LEF1: variants seen among roughly 807,000 people sequenced by gnomAD.
LEF1 encodes lymphoid enhancer binding factor 1, also known as lymphoid enhancer-binding factor 1.
LEF1 carries 14 observed loss-of-function variants against 51.2 expected under a neutral mutation model. The observed-to-expected ratio is 0.27, with a 90% CI of 0.18 to 0.43. The LOEUF is 0.43. Ranked by LOEUF, LEF1 falls within the 20% of genes least tolerant of loss-of-function variation. LEF1 has a pLI of 1.00. For synonymous variants in LEF1, 185 were observed against 183.2 expected (o/e 1.01, Z -0.08); for missense variants, 386 against 512.0 (o/e 0.75, Z 2.37).
At chr4:108,133,139 A>C (rs1743014085) in intron 3 of LEF1, among the ~76,000 whole-genome samples, 3 of 151,904 alleles carry the variant, frequency 2.0e-5, no homozygotes, top group African/African-American at 7.2e-5. Context: ...ATGCCTGGCT[A>C]ATTTTTGGAT....
At chr4:108,166,271 C>A in intron 1 of LEF1, 1 of 1,536,084 alleles carries the variant, frequency 6.5e-7, no homozygotes, top group Non-Finnish European at 8.7e-7. Flanking sequence ...TTCGTACTCA[C>A]CTCTGCCATT....
intron 9 of LEF1, among the ~76,000 whole-genome samples, chr4:108,066,951 T>C (rs1173515813): frequency 1.3e-5 from 2 of 152,240 alleles, no homozygotes; most frequent in South Asian, 2.1e-4. Context: ...ATTTTAATAC[T>C]GAATAATTGA....
chr4:108,126,577 C>T (rs993068241), intron 3 of LEF1, among the ~76,000 whole-genome samples: 9 of 151,604 alleles, frequency 5.9e-5, no homozygotes, highest in Admixed American at 2.6e-4. Flanking sequence ...CCAAGGAGGG[C>T]GAATCACTTG....
intron 11 of LEF1, among the ~76,000 whole-genome samples, chr4:108,061,439 A>T (rs1257589262): frequency 6.6e-6 from 1 of 152,126 alleles, no homozygotes; most frequent in Non-Finnish European, 1.5e-5. Context: ...TCGACTACCA[A>T]ACTCTGAAAT....
intron 3 of LEF1, among the ~76,000 whole-genome samples, chr4:108,095,948 C>T (rs1347003451): frequency 1.3e-5 from 2 of 152,000 alleles, no homozygotes; most frequent in Non-Finnish European, 2.9e-5. Flanking sequence ...TTGCAACATC[C>T]TATTATTTGA....
In LEF1 at chr4:108,081,653, A is replaced by G; in HGVS notation, c.655T>C (p.Tyr219His). 1 of 1,614,070 alleles carries G rather than the reference A, an allele frequency of 6.2e-7. No homozygotes were observed. The highest frequency in any genetic ancestry group is 8.5e-7 in the Non-Finnish European group (1 of 1,179,956). The part of the protein sequence containing the change: ...PPLGWQGQPV[Y>H]PITGGFRQPY... ...TGCCTGAATCCACCCGTGATGGGAT[A>G]TACAGGCTGACCTTGCCTGAGGTCA... is the stretch of plus-strand genomic sequence containing the variant. The change falls in exon 6 of 12, where the codon TAT becomes CAT. Residue 219 changes from tyrosine (Y) to histidine (H), a missense_variant. By Grantham distance (83) the Tyr-to-His change is moderately conservative. Around this residue, in one of 2 missense-constraint regions of LEF1, gnomAD observed 335 missense variants for 390.7 expected, o/e 0.86. Coordinates refer to ENST00000265165, the MANE Select transcript of LEF1 (RefSeq NM_016269.5).
chr4:108,060,646 T>G (rs1357207467), intron 11 of LEF1, among the ~76,000 whole-genome samples: 1 of 152,144 alleles, frequency 6.6e-6, no homozygotes, highest in Non-Finnish European at 1.5e-5. Context: ...TATTTCTAAG[T>G]GCCACCTCCT....
At chr4:108,079,963 G>A (rs1739179289) in intron 6 of LEF1, among the ~76,000 whole-genome samples, 1 of 152,110 alleles carries the variant, frequency 6.6e-6, no homozygotes, top group African/African-American at 2.4e-5. Flanking sequence ...ATATTCCTAA[G>A]CAAACCATCA....
chr4:108,096,568 T>C (rs1740409617), intron 3 of LEF1, among the ~76,000 whole-genome samples: 1 of 152,162 alleles, frequency 6.6e-6, no homozygotes, highest in South Asian at 2.1e-4. Context: ...GCTGCTGCCT[T>C]ACCAAAGCAA....
At chr4:108,163,828 C>A in intron 2 of LEF1, 127 bp from the exon 3 acceptor site, 1 of 934,496 alleles carries the variant, frequency 1.1e-6, no homozygotes, top group Non-Finnish European at 1.6e-6. Flanking sequence ...TTACAAAATA[C>A]TGTAACTGGA....
chr4:108,103,011 C>T (rs1740927004), intron 3 of LEF1, among the ~76,000 whole-genome samples: 1 of 152,180 alleles, frequency 6.6e-6, no homozygotes, highest in African/African-American at 2.4e-5. Flanking sequence ...AGCAGTAGAA[C>T]TCAATCCTGT....
chr4:108,109,787 G>GT (rs767482898), intron 3 of LEF1, among the ~76,000 whole-genome samples: 2 of 152,064 alleles, frequency 1.3e-5, no homozygotes, highest in Admixed American at 6.6e-5. Flanking sequence ...CATAGAGATG[G>GT]TTTTTTTAAT....
In LEF1 at chr4:108,077,683, C is replaced by T. The variant is rs1409294544; in HGVS notation, c.1008+537G>A. ...CTGGGAAGTGAGGGGCGCTTCTGCG[C>T]AGCTGCCGCCCCATCTGGGAAGTGA... On this transcript the variant is annotated intron_variant, in intron 8 of 11. Transcript: ENST00000265165. 5.3e-5 allele frequency among the ~76,000 whole-genome samples: 8 copies of T among 150,088 alleles called. 1 individual carries two copies. The highest frequency in any genetic ancestry group is 1.2e-4 in the Non-Finnish European group (8 of 67,272).
At chr4:108,082,257 C>A (rs1265596084) in intron 5 of LEF1, among the ~76,000 whole-genome samples, 3 of 152,116 alleles carry the variant, frequency 2.0e-5, no homozygotes, top group Non-Finnish European at 4.4e-5. Flanking sequence ...TCTCATTTTT[C>A]ATTTACACAG....
rs201831392 is a variant in LEF1, at chr4:108,161,256, TA to T, written c.414+2311del. ...ATTGTAACTCACTTCGGTTGGACCC[TA>T]AAAAAAAAATTTACATAGTCTTGTG... On this transcript the variant is annotated intron_variant, in intron 3 of 11. Coordinates refer to ENST00000265165, the MANE Select transcript of LEF1 (RefSeq NM_016269.5). Among the ~76,000 whole-genome samples, 122 of 150,144 alleles carry T rather than the reference TA, an allele frequency of 8.1e-4. 1 individual carries two copies. In the East Asian group the frequency reaches 0.015, roughly 18 times the overall value.
At chr4:108,147,213 T>C (rs1425921085) in intron 3 of LEF1, among the ~76,000 whole-genome samples, 1 of 151,986 alleles carries the variant, frequency 6.6e-6, no homozygotes, top group African/African-American at 2.4e-5. Context: ...CCTAACTCCA[T>C]GTCAGTATTT....
At chr4:108,146,742 G>T (rs7668764) in intron 3 of LEF1, among the ~76,000 whole-genome samples, 79,010 of 151,992 alleles carry the variant, frequency 0.52, 22,084 homozygotes, top group Middle Eastern at 0.7. Context: ...TTTGTTTTTT[G>T]ATCTTCATGT....
chr4:108,077,025 C>CAAAAAA (rs35942591), intron 8 of LEF1, among the ~76,000 whole-genome samples: 1 of 97,448 alleles, frequency 1.0e-5, no homozygotes, highest in Middle Eastern at 5.2e-3. Context: ...AGACTCATCT[C>CAAAAAA]AAAAAAAAAA....
intron 11 of LEF1, among the ~76,000 whole-genome samples, chr4:108,049,698 G>A (rs567054772): frequency 9.2e-5 from 14 of 152,314 alleles, no homozygotes; most frequent in East Asian, 1.9e-4. Flanking sequence ...TGTGCTATCC[G>A]TGTTACAAGC....
Sources: gnomAD v4.1 joint callset for allele counts (sites outside exome capture counted in the v4.1 genomes callset) on GRCh38, gnomAD v4.1.1 for gene constraint, gnomAD v4.1.1 regional missense constraint, MANE v1.5 for transcripts, NCBI Gene and HGNC (gene_info 2026-07-23, HGNC 2026-07-21) for gene names.